GAS5: variants seen among roughly 807,000 people sequenced by gnomAD.
GAS5 encodes the protein growth arrest specific 5, also known as growth arrest specific 5 (non-protein coding).
chr1:173,867,815 T>G, upstream of GAS5: 4 of 516,068 alleles, frequency 7.8e-6, no homozygotes. Context: ...GCATGCACCA[T>G]ATGTGCAATC....
At chr1:173,866,077 A>G (rs1461429354) in intron 4 of GAS5, 1 of 518,870 alleles carries the variant, frequency 1.9e-6, no homozygotes, top group East Asian at 5.4e-5. Flanking sequence ...AGAATCCGCC[A>G]TTTATTTAAT....
At chr1:173,867,321 A>C, upstream of GAS5, 1 of 436,982 alleles carries the variant, frequency 2.3e-6, no homozygotes, top group South Asian at 2.8e-5. Context: ...GGAGTTCAAG[A>C]CCAGTCTCGC....
chr1:173,867,535 T>C (rs1654956960), upstream of GAS5: 5 of 416,904 alleles, frequency 1.2e-5, no homozygotes, highest in South Asian at 1.7e-5. Flanking sequence ...GAAACACTAA[T>C]GGAAATATTG....
At chr1:173,867,889 T>C, upstream of GAS5, 3 of 411,902 alleles carry the variant, frequency 7.3e-6, no homozygotes, top group Non-Finnish European at 1.5e-5. Context: ...TCCCAGTCAA[T>C]TCAGGGTGAC....
intron 5 of GAS5, chr1:173,865,757 T>G (rs868375277): frequency 1.9e-6 from 1 of 518,702 alleles, no homozygotes; most frequent in Admixed American, 1.9e-5. Flanking sequence ...GAAAATACAG[T>G]CAGTATTCAT....
chr1:173,863,919 T>G (rs1365836035), intron 7 of GAS5: 11 of 261,114 alleles, frequency 4.2e-5, no homozygotes, highest in Non-Finnish European at 8.6e-5. Flanking sequence ...AAAAATTTAT[T>G]AAAATTGGAG....
intron 5 of GAS5, chr1:173,865,801 G>T: frequency 1.9e-6 from 1 of 515,744 alleles, no homozygotes; most frequent in Non-Finnish European, 3.9e-6. Flanking sequence ...TCAGCAGTAA[G>T]CATATCACCA....
chr1:173,865,514 G>GC, exon 6 of GAS5: 1 of 510,222 alleles, frequency 2.0e-6, no homozygotes. Context: ...CCTTACCCAA[G>GC]CAAGTCATCC....
At chr1:173,865,850 T>A (rs1031332681) in intron 5 of GAS5, 5 of 514,310 alleles carry the variant, frequency 9.7e-6, no homozygotes, top group Non-Finnish European at 1.2e-5. Flanking sequence ...TTTTCATTAA[T>A]ACTTACCAGA....
At position 173,866,528 on chromosome 1, in the gene GAS5, C is replaced by A. The variant is rs959557025; in HGVS notation, n.131G>T. 4.9e-5 allele frequency: 35 copies of A among 716,924 alleles called. No homozygotes were observed. The East Asian group carries it at 5.1e-4, about 11-fold the overall frequency. The allele number at this position is 716,924 out of a possible 1,614,324, so 44.4% of individuals were successfully genotyped here. ...GAAGTACAAAATAGAGGTGTCTCACCTGTGTGCCAATGGCTTGAGTTAGGC... is the reference window on the plus strand; with the variant it reads ...GAAGTACAAAATAGAGGTGTCTCACATGTGTGCCAATGGCTTGAGTTAGGC... On this transcript the variant is annotated splice_region_variant and non_coding_transcript_exon_variant, in exon 3 of 8. Transcript: ENST00000651080.
At chr1:173,865,057 G>C (rs906679721) in intron 6 of GAS5, 1 of 361,270 alleles carries the variant, frequency 2.8e-6, no homozygotes, top group African/African-American at 2.1e-5. Flanking sequence ...AAATTAGCCA[G>C]GCATGGTGTC....
chr1:173,867,817 T>G (rs538663987), upstream of GAS5: 2 of 515,144 alleles, frequency 3.9e-6, no homozygotes, highest in Non-Finnish European at 7.8e-6. Flanking sequence ...ATGCACCATA[T>G]GTGCAATCCC....
upstream of GAS5, chr1:173,867,906 A>T (rs1040666716): frequency 2.6e-6 from 1 of 385,328 alleles, no homozygotes; most frequent in Non-Finnish European, 5.2e-6. Flanking sequence ...TGACCTTAGC[A>T]GACAAAGGCT....
intron 3 of GAS5, chr1:173,866,437 G>A (rs79566086): frequency 6.0e-5 from 36 of 603,864 alleles, no homozygotes; most frequent in South Asian, 3.7e-4. Context: ...TTTGAAAAGA[G>A]GGGAGAGAAG....
upstream of GAS5, chr1:173,867,902 T>C (rs1345460430): frequency 7.7e-6 from 3 of 389,990 alleles, no homozygotes; most frequent in East Asian, 7.2e-5. Flanking sequence ...AGGGTGACCT[T>C]AGCAGACAAA....
intron 6 of GAS5, chr1:173,865,344 C>A: frequency 2.0e-6 from 1 of 503,800 alleles, no homozygotes; most frequent in Middle Eastern, 3.3e-4. Context: ...AAAGATTTCC[C>A]AACTACTGTT....
chr1:173,867,782 A>G (rs774577705), upstream of GAS5: 1 of 519,124 alleles, frequency 1.9e-6, no homozygotes, highest in Non-Finnish European at 3.8e-6. Context: ...GTTCTACTCT[A>G]ACATAGTCGC....
intron 6 of GAS5, chr1:173,864,727 A>G (rs758776276): frequency 8.2e-6 from 4 of 490,632 alleles, no homozygotes; most frequent in Non-Finnish European, 1.6e-5. Context: ...GACAATACAC[A>G]GTAAGACAAC....
At chr1:173,864,908 G>A (rs755110127) in intron 6 of GAS5, 4 of 518,240 alleles carry the variant, frequency 7.7e-6, no homozygotes, top group East Asian at 1.1e-4. Context: ...CATTGTATCG[G>A]CTTTACAACA....
Sources: gnomAD v4.1 joint callset for allele counts on GRCh38, gnomAD v4.1.1 for gene constraint, MANE v1.5 for transcripts, NCBI Gene and HGNC (gene_info 2026-07-23, HGNC 2026-07-21) for gene names.